Variants in NTRK1 observed in about 807,000 individuals in gnomAD.
NTRK1 encodes high affinity nerve growth factor receptor.
NTRK1 carries 62 observed loss-of-function variants against 86.8 expected under a neutral mutation model. The ratio of observed to expected loss-of-function variants is 0.71; its 90% CI spans 0.58 to 0.88. The LOEUF (loss-of-function observed/expected upper bound fraction) is 0.88, where lower values mean the gene tolerates loss of function less well. Among genes scored for constraint, NTRK1 ranks in the 40% least tolerant of loss-of-function variants. The pLI is 0.00. For missense variants in NTRK1, 967 were observed against 1,078.4 expected (o/e 0.90, Z 1.45); for synonymous variants, 469 against 456.6 (o/e 1.03, Z -0.35).
chr1:156,830,520 A>G (rs1279963895), intron 1 of NTRK1, among the ~76,000 whole-genome samples: 1 of 150,286 alleles, frequency 6.7e-6, no homozygotes, highest in African/African-American at 2.4e-5. Flanking sequence ...CGGGGGAAGA[A>G]CACCTTTCTA....
In NTRK1 at chr1:156,874,675, G is replaced by T. The variant is rs1448250596; in HGVS notation, c.1251+49G>T. On this transcript the variant is annotated intron_variant, in intron 10 of 16. Coordinates refer to ENST00000524377, the MANE Select transcript of NTRK1 (RefSeq NM_002529.4). The stretch of plus-strand genomic sequence containing the variant: ...TGCAGACTTTGGGACCGGGAGGCTG[G>T]GTAGAGGCTCATCTGCATGTCATTT... 2.6e-6 allele frequency: 4 copies of T among 1,565,878 alleles called. No individual in the cohort carries two copies. In the African/African-American group the frequency reaches 5.4e-5, roughly 21 times the overall value.
Position 156,852,208 on chromosome 1 carries a change from G to A in NTRK1, c.50+10015G>A, listed in dbSNP as rs142637725. 3.9e-4 allele frequency: 615 copies of A among 1,563,746 alleles called. 1 individual carries two copies. In the African/African-American group the frequency reaches 6.0e-3, roughly 15 times the overall value. ...AGGGGCACACTGTGGGGAGAGTGGT[G>A]TGTTAGACGTTGGCCATGCCCCCTC... is the stretch of plus-strand genomic sequence containing the variant. On this transcript the variant is annotated intron_variant, in intron 2 of 16. Coordinates refer to the NTRK1 transcript ENST00000392302.
At chr1:156,822,748 T>C (rs923218157) in intron 1 of NTRK1, among the ~76,000 whole-genome samples, 1 of 152,158 alleles carries the variant, frequency 6.6e-6, no homozygotes, top group African/African-American at 2.4e-5. Context: ...GTTGTTTTCC[T>C]GGTAGGGTGA....
chr1:156,868,287 G>C (rs752885970), intron 5 of NTRK1, 38 bp downstream of exon 5: 2 of 1,600,654 alleles, frequency 1.2e-6, no homozygotes, highest in South Asian at 2.2e-5. Context: ...AAGGGGGCTG[G>C]GGAAGAGACC....
chr1:156,824,704 T>A (rs1024288062), intron 1 of NTRK1, among the ~76,000 whole-genome samples: 4 of 152,144 alleles, frequency 2.6e-5, no homozygotes, highest in Admixed American at 1.3e-4. Flanking sequence ...GAGCATGACA[T>A]GTTTGTCAGA....
At chr1:156,879,852 C>G (rs1474035224) in intron 15 of NTRK1, 147 bp from the exon 16 acceptor site, 4 of 928,394 alleles carry the variant, frequency 4.3e-6, no homozygotes, top group Admixed American at 4.2e-5. Context: ...CTCGTGATTG[C>G]CCACCTCGGC....
At chr1:156,857,815 A>G (rs1332679020), upstream of NTRK1, among the ~76,000 whole-genome samples, 1 of 152,000 alleles carries the variant, frequency 6.6e-6, no homozygotes, top group Non-Finnish European at 1.5e-5. Context: ...GGAAGGGGAT[A>G]CCTCCTAATC....
intron 1 of NTRK1, among the ~76,000 whole-genome samples, chr1:156,834,817 G>T (rs372841847): frequency 2.7e-5 from 1 of 37,590 alleles, no homozygotes; most frequent in Non-Finnish European, 1.2e-4. Context: ...CCGGGGAGAC[G>T]GGGGGTTGTA....
chr1:156,828,555 C>T (rs536317196), intron 1 of NTRK1, among the ~76,000 whole-genome samples: 9 of 152,376 alleles, frequency 5.9e-5, no homozygotes, highest in Non-Finnish European at 8.8e-5. Context: ...CGCGCAGTCG[C>T]GGGTCGGCCT....
chr1:156,852,767 G>C (rs1230477176), intron 2 of NTRK1, among the ~76,000 whole-genome samples: 7 of 152,230 alleles, frequency 4.6e-5, no homozygotes, highest in Non-Finnish European at 1.0e-4. Flanking sequence ...GCGATCTGTG[G>C]GGTAGGGGTC....
chr1:156,846,832 C>T (rs1321088514), intron 2 of NTRK1: 7 of 1,193,810 alleles, frequency 5.9e-6, no homozygotes, highest in Non-Finnish European at 8.7e-6. Context: ...TCTGAATCAC[C>T]CCAGGACTGT....
chr1:156,876,362 G>A (rs766453101), intron 13 of NTRK1, 38 bp from the exon 14 acceptor site: 2 of 1,612,908 alleles, frequency 1.2e-6, no homozygotes, highest in Non-Finnish European at 8.5e-7. Flanking sequence ...TGAGGGCTCG[G>A]CCCCCAACTC....
At chr1:156,876,256 C>T (rs1230435411) in intron 13 of NTRK1, 46 bp downstream of exon 13, 3 of 1,612,920 alleles carry the variant, frequency 1.9e-6, no homozygotes, top group Non-Finnish European at 2.5e-6. Flanking sequence ...GTCCCACCCC[C>T]AGGAGCTCCA....
At chr1:156,881,268 C>T (rs1648239399) in intron 16 of NTRK1, among the ~76,000 whole-genome samples, 189 bp from the exon 17 acceptor site, 2 of 152,232 alleles carry the variant, frequency 1.3e-5, no homozygotes, top group South Asian at 4.1e-4. Flanking sequence ...CTTAATCCTT[C>T]TCACTTCTCA....
At chr1:156,879,684 AC>A (rs1466852473) in intron 15 of NTRK1, among the ~76,000 whole-genome samples, 1 of 152,116 alleles carries the variant, frequency 6.6e-6, no homozygotes, top group Non-Finnish European at 1.5e-5. Flanking sequence ...ATCTCGGCTC[AC>A]TGCAACCTCT....
chr1:156,851,627 C>T (rs1655211669), intron 2 of NTRK1: 5 of 1,614,086 alleles, frequency 3.1e-6, no homozygotes, highest in South Asian at 2.2e-5. Context: ...AGGGGTGTGG[C>T]CCCAAAGTAG....
In NTRK1 at chr1:156,875,603, G is replaced by A. The variant is rs139731614; in HGVS notation, c.1438G>A (p.Glu480Lys). 19 of 1,613,758 alleles carry A rather than the reference G, an allele frequency of 1.2e-5. No homozygotes were observed. Among genetic ancestry groups the A allele is most frequent in the African/African-American group, 1.1e-4 (8 of 74,864 alleles). Residue 480 changes from glutamate (E) to lysine (K), a missense_variant, in exon 12 of 17, where the codon GAG becomes AAG. Physicochemically the swap from Glu to Lys is moderately conservative, Grantham distance 56. Coordinates refer to ENST00000524377, the MANE Select transcript of NTRK1 (RefSeq NM_002529.4). ...GGGTGGCAGCTCCCTGTCCCCCACC[G>A]AGGGCAAAGGCTCTGGGCTCCAAGG... The part of the protein sequence containing the change: ...TLGGSSLSPT[E>K]GKGSGLQGHI...
intron 2 of NTRK1, chr1:156,845,765 G>A: frequency 6.2e-7 from 1 of 1,613,308 alleles, no homozygotes; most frequent in Non-Finnish European, 8.5e-7. Flanking sequence ...CAGGATCCCC[G>A]TCTTCGCCGT....
rs1356018827 is a variant in NTRK1 at position 156,878,146 on chromosome 1, C to T, written c.1806-976C>T. Among the ~76,000 whole-genome samples the T allele has an allele frequency of 3.3e-5, 5 of 152,278 alleles. No homozygotes were observed. The East Asian group carries it at 9.6e-4, about 29-fold the overall frequency. On this transcript the variant is annotated intron_variant, in intron 14 of 16. Transcript: ENST00000524377. ...TCAGAGATGAGTCTGGAAGACTTCC[C>T]CTAGGAGGGACCATCTGTTCCTTCT...
Sources: gnomAD v4.1 joint callset for allele counts (sites outside exome capture counted in the v4.1 genomes callset) on GRCh38, gnomAD v4.1.1 for gene constraint, MANE v1.5 for transcripts, NCBI Gene and HGNC (gene_info 2026-07-23, HGNC 2026-07-21) for gene names.